Variants in RGL1 observed in about 807,000 individuals in gnomAD.
RGL1 encodes the protein ral guanine nucleotide dissociation stimulator-like 1.
In RGL1, 24 loss-of-function variants were observed where a neutral mutation model predicts 95.2. The observed-to-expected ratio is 0.25, with a 90% confidence interval of 0.18 to 0.35. The LOEUF (loss-of-function observed/expected upper bound fraction) is 0.35, where lower values mean the gene tolerates loss of function less well. Ranked by LOEUF, RGL1 falls within the 10% of genes least tolerant of loss-of-function variation. The pLI is 1.00. For missense variants in RGL1, 715 were observed against 936.3 expected, an observed-to-expected ratio of 0.76 and a Z score of 3.08; for synonymous variants, 329 against 344.9, an observed-to-expected ratio of 0.95 and a Z score of 0.51.
chr1:183,720,800 C>T (rs80322830), intron 1 of RGL1, among the ~76,000 whole-genome samples: 4,072 of 152,052 alleles, frequency 0.027, 70 homozygotes, highest in East Asian at 0.081. Context: ...TTGGAAGCTG[C>T]GGCATAGGAA....
chr1:183,829,650 C>T (rs1663124558), intron 2 of RGL1, among the ~76,000 whole-genome samples: 1 of 152,154 alleles, frequency 6.6e-6, no homozygotes, highest in South Asian at 2.1e-4. Flanking sequence ...AAAAGCTTCA[C>T]ATTGATACTA....
At chr1:183,828,353 G>C (rs1256383131) in intron 2 of RGL1, among the ~76,000 whole-genome samples, 1 of 152,156 alleles carries the variant, frequency 6.6e-6, no homozygotes, top group Non-Finnish European at 1.5e-5. Flanking sequence ...CCCGTAAGTG[G>C]AATTTTGACT....
At chr1:183,877,695 CTGAT>C (rs1189473628) in intron 4 of RGL1, among the ~76,000 whole-genome samples, 3 of 152,176 alleles carry the variant, frequency 2.0e-5, no homozygotes, top group Non-Finnish European at 4.4e-5. Flanking sequence ...TTTTTTCTGG[CTGAT>C]TGAGTATCTG....
intron 5 of RGL1, 53 bp from the exon 6 acceptor site, chr1:183,883,733 G>A (rs1666951367): frequency 6.2e-7 from 1 of 1,602,640 alleles, no homozygotes; most frequent in African/African-American, 1.3e-5. Context: ...GACTCTATAA[G>A]CAAGATTATA....
intron 4 of RGL1, among the ~76,000 whole-genome samples, chr1:183,879,573 T>C (rs2102634204): frequency 2.0e-5 from 3 of 152,318 alleles, no homozygotes; most frequent in Middle Eastern, 6.8e-3. Context: ...AAAAGATGCA[T>C]GGATTAATGT....
chr1:183,908,015 A>AC, intron 14 of RGL1, among the ~76,000 whole-genome samples: 1 of 152,184 alleles, frequency 6.6e-6, no homozygotes, highest in South Asian at 2.1e-4. Flanking sequence ...AAACAAAACA[A>AC]AACAACAACA....
intron 1 of RGL1, among the ~76,000 whole-genome samples, chr1:183,638,100 A>G (rs983815102): frequency 6.6e-6 from 1 of 152,154 alleles, no homozygotes; most frequent in Non-Finnish European, 1.5e-5. Context: ...TTACATTTCT[A>G]TTCTTTTGTA....
Position 183,912,129 on chromosome 1 carries a change from A to G in RGL1, c.1610A>G (p.Glu537Gly), listed in dbSNP as rs755858893. Residue 537 changes from glutamate to glycine, a missense_variant, in exon 15 of 18, where the codon GAG (glutamate) becomes GGG (glycine). Physicochemically the swap from Glu to Gly is moderately conservative, Grantham distance 98. Transcript: ENST00000360851. ...ATCACCAGTCCCACTCCCACCAAAGAGCAGCCCAAGTCCACTGCCAGCGGG... is the reference window on the plus strand; with the variant it reads ...ATCACCAGTCCCACTCCCACCAAAGGGCAGCCCAAGTCCACTGCCAGCGGG... Reference protein sequence around the residue: ...DMITSPTPTKEQPKSTASGSS... With the variant: ...DMITSPTPTKGQPKSTASGSS... 2 of 1,613,914 alleles carry G rather than the reference A, an allele frequency of 1.2e-6. No homozygotes were observed. The highest frequency in any genetic ancestry group is 1.7e-6 in the Non-Finnish European group (2 of 1,179,996).
intron 1 of RGL1, among the ~76,000 whole-genome samples, chr1:183,714,298 A>C (rs1296415244): frequency 6.6e-6 from 1 of 152,224 alleles, no homozygotes; most frequent in African/African-American, 2.4e-5. Context: ...AATGCAGTTC[A>C]GCTTTCTGAT....
intron 3 of RGL1, among the ~76,000 whole-genome samples, chr1:183,852,357 G>T (rs1187299346): frequency 6.6e-6 from 1 of 152,156 alleles, no homozygotes; most frequent in African/African-American, 2.4e-5. Context: ...CTTACTTGGG[G>T]TGATCATTTC....
At chr1:183,742,715 T>G (rs1181465347) in intron 2 of RGL1, among the ~76,000 whole-genome samples, 2 of 149,752 alleles carry the variant, frequency 1.3e-5, no homozygotes, top group Non-Finnish European at 3.0e-5. Flanking sequence ...TTGTGGGGGG[T>G]GTGTGTGTGA....
chr1:183,818,693 G>A (rs1662249029), intron 2 of RGL1, among the ~76,000 whole-genome samples: 1 of 152,220 alleles, frequency 6.6e-6, no homozygotes, highest in South Asian at 2.1e-4. Flanking sequence ...GACAGTGTTT[G>A]AGACATAGTT....
chr1:183,801,899 G>A (rs1418277747), upstream of RGL1, among the ~76,000 whole-genome samples: 1 of 152,164 alleles, frequency 6.6e-6, no homozygotes, highest in East Asian at 1.9e-4. Flanking sequence ...AATACCTTGA[G>A]GATGGTACCA....
chr1:183,816,799 C>T (rs1046880841), intron 2 of RGL1, among the ~76,000 whole-genome samples: 2 of 152,026 alleles, frequency 1.3e-5, no homozygotes, highest in African/African-American at 2.4e-5. Flanking sequence ...TTGTTTTCTT[C>T]CCACTTGCTG....
chr1:183,865,559 A>C (rs1052734030), intron 3 of RGL1, among the ~76,000 whole-genome samples: 10 of 152,172 alleles, frequency 6.6e-5, no homozygotes, highest in Admixed American at 1.3e-4. Context: ...TTGTGCTCCC[A>C]TGTGGCATGA....
At position 183,684,895 on chromosome 1, in the gene RGL1, C is replaced by T. The variant is rs557785224; in HGVS notation, c.-33+48394C>T. 5.9e-5 allele frequency among the ~76,000 whole-genome samples: 9 copies of T among 152,300 alleles called. No individual in the cohort carries two copies. In the South Asian group the frequency reaches 8.3e-4, roughly 14 times the overall value. On this transcript the variant is annotated intron_variant, in intron 1 of 18. Coordinates refer to the RGL1 transcript ENST00000304685. ...TTGAGAGGACGCCCCCACCCTGCTT[C>T]GGCTCACCCTCCATGGGCTGCACCC...
chr1:183,896,486 C>G (rs1667709689), intron 9 of RGL1, among the ~76,000 whole-genome samples: 1 of 152,096 alleles, frequency 6.6e-6, no homozygotes, highest in South Asian at 2.1e-4. Context: ...AGTAGTGTAC[C>G]TGGGACCTGA....
At chr1:183,639,520 A>G (rs1266668393) in intron 1 of RGL1, among the ~76,000 whole-genome samples, 1 of 152,190 alleles carries the variant, frequency 6.6e-6, no homozygotes, top group Non-Finnish European at 1.5e-5. Flanking sequence ...CTTATGATTT[A>G]ATACTCCTAT....
chr1:183,762,228 A>G (rs1055416845), intron 2 of RGL1, among the ~76,000 whole-genome samples: 1 of 152,216 alleles, frequency 6.6e-6, no homozygotes, highest in Non-Finnish European at 1.5e-5. Context: ...AGCTTTTGAC[A>G]TGCCTTCCTC....
Sources: gnomAD v4.1 joint callset for allele counts (sites outside exome capture counted in the v4.1 genomes callset) on GRCh38, gnomAD v4.1.1 for gene constraint, MANE v1.5 for transcripts, NCBI Gene and HGNC (gene_info 2026-07-23, HGNC 2026-07-21) for gene names.